The following SUFU variants were observed in gnomAD, a reference collection of about 807,000 sequenced individuals.
The protein encoded by SUFU is SUFU negative regulator of hedgehog signaling, also known as suppressor of fused homolog.
A neutral mutation model predicts 58.9 loss-of-function variants in SUFU; 7 were observed. The ratio of observed to expected loss-of-function variants is 0.12; its 90% confidence interval spans 0.07 to 0.22. The LOEUF is 0.22. Ranked by LOEUF, SUFU falls within the 10% of genes least tolerant of loss-of-function variation. The pLI is 1.00. For missense variants in SUFU, 451 were observed against 641.3 expected (o/e 0.70, Z 3.20); for synonymous variants, 232 against 254.8 (o/e 0.91, Z 0.85).
chr10:102,527,292 G>A (rs936894546), intron 2 of SUFU, among the ~76,000 whole-genome samples: 41 of 152,056 alleles, frequency 2.7e-4, no homozygotes, highest in Non-Finnish European at 4.0e-4. Flanking sequence ...GTGAGCCACC[G>A]CGCCCGGCCG....
At chr10:102,550,927 A>G (rs2062906748) in intron 3 of SUFU, among the ~76,000 whole-genome samples, 1 of 152,078 alleles carries the variant, frequency 6.6e-6, no homozygotes, top group Admixed American at 6.5e-5. Context: ...TTTTTTTAGT[A>G]GAGATGGGAT....
At chr10:102,566,289 A>G (rs913733305) in intron 3 of SUFU, among the ~76,000 whole-genome samples, 1 of 152,210 alleles carries the variant, frequency 6.6e-6, no homozygotes, top group African/African-American at 2.4e-5. Context: ...TTCATAATAT[A>G]GGTAGTGTTC....
chr10:102,504,273 TGCC>T lies in SUFU; in HGVS notation c.128_130del (p.Arg43del). ...GGGACTGCACGCCATCTACGGAGAG[TGCC>T]GCCGCCTTTACCCTGACCAGCCGAA... On this transcript the variant is annotated inframe_deletion, in exon 1 of 12. Coordinates refer to ENST00000369902, the MANE Select transcript of SUFU (RefSeq NM_016169.4). 6.2e-7 allele frequency: 1 copy of T among 1,612,510 alleles called. No individual in the cohort carries two copies. The highest frequency in any genetic ancestry group is 8.5e-7 in the Non-Finnish European group (1 of 1,179,694).
At chr10:102,509,052 C>A in intron 1 of SUFU, 117 bp from the exon 2 acceptor site, 1 of 1,421,326 alleles carries the variant, frequency 7.0e-7, no homozygotes, top group Admixed American at 1.7e-5. Flanking sequence ...TGTTTAGTTA[C>A]CTTTCACCCA....
At chr10:102,597,094 A>G in intron 6 of SUFU, 46 bp from the exon 7 acceptor site, 1 of 1,612,408 alleles carries the variant, frequency 6.2e-7, no homozygotes, top group Non-Finnish European at 8.5e-7. Flanking sequence ...ACCTTGGGTC[A>G]CCAGTTCTCT....
At chr10:102,599,667 T>C in intron 8 of SUFU, 123 bp downstream of exon 8, 1 of 863,516 alleles carries the variant, frequency 1.2e-6, no homozygotes, top group Admixed American at 2.0e-5. Context: ...CCAGGATCTC[T>C]AGGCTTAAGG....
In SUFU at chr10:102,621,766, G is replaced by A. The variant is rs930432708; in HGVS notation, c.1296+4338G>A. The stretch of plus-strand genomic sequence containing the variant: ...AAATTTGTTGGGAAGCAAGTACAAC[G>A]TGTCAACATGAAGAACAAACAATGC... On this transcript the variant is annotated intron_variant, in intron 10 of 11. Transcript: ENST00000369902. Among the ~76,000 whole-genome samples, 4 of 152,352 alleles carry A rather than the reference G, an allele frequency of 2.6e-5. No individual in the cohort carries two copies. In the East Asian group the frequency reaches 7.7e-4, roughly 29 times the overall value.
intron 3 of SUFU, among the ~76,000 whole-genome samples, chr10:102,590,280 C>T (rs1188339390): frequency 6.7e-6 from 1 of 149,832 alleles, no homozygotes; most frequent in Non-Finnish European, 1.5e-5. Context: ...ATTCTCCTGC[C>T]TCAGCCTCCC....
Position 102,633,235 on chromosome 10 carries a change from G to A in SUFU, c.*3080G>A, listed in dbSNP as rs1337408325. On this transcript the variant is annotated 3_prime_UTR_variant, in exon 12 of 12. Transcript: ENST00000369902. ...GTCCCTGTTACAAGTCAGGAGCCCT[G>A]TAGGGAGACCCCTCCTTTTGTACAA... The A allele has an allele frequency of 4.3e-6, 1 of 233,134 alleles. No individual in the cohort carries two copies. The highest frequency in any genetic ancestry group is 8.5e-6 in the Non-Finnish European group (1 of 117,860). 14.4% of individuals were successfully genotyped at this position (233,134 alleles called of 1,614,324 possible).
chr10:102,550,009 G>A lies in SUFU; in HGVS notation c.357G>A (p.Glu119=), dbSNP rs2062896006. The part of the protein sequence containing the change: ...GTDGPSGFGF[E]LTFRLKRETG... Reference sequence around the variant, plus strand: ...ATGGACCTAGTGGTTTTGGCTTTGAGTTGACCTTTCGTCTGAAGAGAGAAA... The same window carrying A: ...ATGGACCTAGTGGTTTTGGCTTTGAATTGACCTTTCGTCTGAAGAGAGAAA... Residue 119 remains glutamate (E), a synonymous_variant, in exon 3 of 12, where the codon GAG becomes GAA. Transcript: ENST00000369902. 6.2e-7 allele frequency: 1 copy of A among 1,614,206 alleles called. No homozygotes were observed. Among genetic ancestry groups the A allele is most frequent in the African/African-American group, 1.3e-5 (1 of 75,042 alleles).
chr10:102,615,039 T>C (rs2063670674), intron 8 of SUFU, among the ~76,000 whole-genome samples: 1 of 151,994 alleles, frequency 6.6e-6, no homozygotes, highest in Non-Finnish European at 1.5e-5. Flanking sequence ...AAAGAGACAA[T>C]GGTGGCAGCC....
rs1220807971 is a variant in SUFU, at chr10:102,504,123, G to T, written c.-30G>T. 1 of 1,531,268 alleles carries T rather than the reference G, an allele frequency of 6.5e-7. No homozygotes were observed. The highest frequency in any genetic ancestry group is 2.0e-5 in the Admixed American group (1 of 49,816). 94.9% of individuals were successfully genotyped at this position (1,531,268 alleles called of 1,614,324 possible). Reference sequence around the variant, plus strand: ...CTCTCCCCGTCGTTTGCCCTCTCCAGTTCCCCCAGTGCCTGCCCTACGCAC... The same window carrying T: ...CTCTCCCCGTCGTTTGCCCTCTCCATTTCCCCCAGTGCCTGCCCTACGCAC... On this transcript the variant is annotated 5_prime_UTR_variant, in exon 1 of 12. Transcript: ENST00000369902.
At chr10:102,577,142 G>A (rs1285021931) in intron 3 of SUFU, among the ~76,000 whole-genome samples, 3 of 137,164 alleles carry the variant, frequency 2.2e-5, no homozygotes, top group African/African-American at 8.6e-5. Context: ...GGAGTGCAGT[G>A]GCACCATCTT....
At chr10:102,595,642 G>T (rs1301244654) in intron 6 of SUFU, among the ~76,000 whole-genome samples, 2 of 152,150 alleles carry the variant, frequency 1.3e-5, no homozygotes, top group African/African-American at 4.8e-5. Flanking sequence ...ACAGGACCCG[G>T]AGCACCTAGT....
At chr10:102,516,319 C>T (rs901269446) in intron 2 of SUFU, among the ~76,000 whole-genome samples, 3 of 151,888 alleles carry the variant, frequency 2.0e-5, no homozygotes, top group African/African-American at 7.2e-5. Flanking sequence ...AGTGATCTAC[C>T]CGTCTCAGCC....
intron 8 of SUFU, among the ~76,000 whole-genome samples, chr10:102,606,438 G>A (rs963373673): frequency 5.3e-5 from 8 of 152,272 alleles, no homozygotes; most frequent in Admixed American, 1.3e-4. Context: ...GCCTTGCGTC[G>A]TGGGATGCCC....
chr10:102,593,586 G>T (rs373884670), intron 4 of SUFU, 50 bp from the exon 5 acceptor site: 1 of 1,589,232 alleles, frequency 6.3e-7, no homozygotes, highest in African/African-American at 1.3e-5. Flanking sequence ...ACCTTCTTGG[G>T]GTGGGGGGTG....
At chr10:102,515,315 C>CTTT (rs35257917) in intron 2 of SUFU, among the ~76,000 whole-genome samples, 14 of 130,214 alleles carry the variant, frequency 1.1e-4, no homozygotes, top group Non-Finnish European at 1.5e-4. Flanking sequence ...TTTGCCGGAA[C>CTTT]TTTTTTTTTT....
At chr10:102,605,164 G>A (rs966370971) in intron 8 of SUFU, among the ~76,000 whole-genome samples, 6 of 151,532 alleles carry the variant, frequency 4.0e-5, no homozygotes, top group Admixed American at 6.5e-5. Flanking sequence ...TGATCTGCCC[G>A]CCTCAGCCTC....
Sources: gnomAD v4.1 joint callset for allele counts (sites outside exome capture counted in the v4.1 genomes callset) on GRCh38, gnomAD v4.1.1 for gene constraint, MANE v1.5 for transcripts, NCBI Gene and HGNC (gene_info 2026-07-23, HGNC 2026-07-21) for gene names.